RPS29: variants seen among roughly 807,000 people sequenced by gnomAD.
The protein encoded by RPS29 is small ribosomal subunit protein uS14.
For synonymous variants in RPS29, 37 were observed against 26.9 expected, an observed-to-expected ratio of 1.37 and a Z score of -1.16; for missense variants, 60 against 75.7, an observed-to-expected ratio of 0.79 and a Z score of 0.77.
At chr14:49,580,303 C>G (rs1881299106), downstream of RPS29, among the ~76,000 whole-genome samples, 1 of 152,188 alleles carries the variant, frequency 6.6e-6, no homozygotes, top group Non-Finnish European at 1.5e-5. Context: ...TCCACTCTAT[C>G]TGCAATACCA....
downstream of RPS29, among the ~76,000 whole-genome samples, chr14:49,580,852 T>C (rs2139506376): frequency 6.9e-6 from 1 of 145,112 alleles, no homozygotes; most frequent in Non-Finnish European, 1.5e-5. Flanking sequence ...GCCACTGCAC[T>C]CCAGCCTGGG....
chr14:49,574,495 A>T (rs528225454), exon 3 of RPS29: 1 of 152,284 alleles, frequency 6.6e-6, no homozygotes, highest in East Asian at 1.9e-4. Flanking sequence ...ATCCTGCATT[A>T]CTGGTGGCAG....
exon 3 of RPS29, chr14:49,573,599 A>G (rs553886950): frequency 1.3e-5 from 2 of 152,234 alleles, no homozygotes; most frequent in Non-Finnish European, 2.9e-5. Context: ...GCCTAAGACA[A>G]AATTACACAA....
downstream of RPS29, among the ~76,000 whole-genome samples, chr14:49,579,933 T>C (rs1053766720): frequency 1.3e-5 from 2 of 152,204 alleles, no homozygotes; most frequent in Non-Finnish European, 1.5e-5. Flanking sequence ...CTCAGTTTCC[T>C]TGGCTATGTA....
upstream of RPS29, chr14:49,586,742 A>C (rs1881583789): frequency 4.1e-6 from 1 of 245,298 alleles, no homozygotes; most frequent in Non-Finnish European, 8.4e-6. Flanking sequence ...GGGGACCACC[A>C]GGTTGCCTAA....
chr14:49,578,558 A>ATTT (rs1881248697), intron 2 of RPS29, among the ~76,000 whole-genome samples: 2 of 43,026 alleles, frequency 4.6e-5, no homozygotes, highest in Admixed American at 4.7e-4. Flanking sequence ...CAAAGCTTTC[A>ATTT]CTTTTTTTTT....
intron 1 of RPS29, 96 bp downstream of exon 1, chr14:49,586,189 G>C: frequency 7.0e-7 from 1 of 1,420,276 alleles, no homozygotes; most frequent in Non-Finnish European, 1.0e-6. Context: ...CAGTCGGCGT[G>C]CTCCCTCGTG....
chr14:49,582,308 C>T (rs919472316), downstream of RPS29, among the ~76,000 whole-genome samples: 17 of 152,174 alleles, frequency 1.1e-4, no homozygotes, highest in African/African-American at 3.9e-4. Context: ...CAATATCTAA[C>T]TATAACCTAC....
intron 1 of RPS29, 74 bp from the exon 2 acceptor site, chr14:49,586,123 C>A: frequency 7.0e-7 from 1 of 1,435,984 alleles, no homozygotes; most frequent in Non-Finnish European, 9.8e-7. Context: ...CTACTACCCG[C>A]ATCCCGGGAC....
chr14:49,592,374 T>G (rs1238532348), intron 1 of RPS29: 2 of 150,166 alleles, frequency 1.3e-5, no homozygotes, highest in Admixed American at 6.7e-5. Flanking sequence ...TTTTTTTTTT[T>G]TTTTTTTTTT....
chr14:49,591,902 G>A lies in RPS29; in HGVS notation c.-132-5424C>T, dbSNP rs190443059. On this transcript the variant is annotated intron_variant, in intron 1 of 3. Transcript: ENST00000556230. ...CCCAAAGTGCTGGGATTGCAGGCAT[G>A]AGCCACCACGCCCGGCCCCAATTTG... Among the ~76,000 whole-genome samples the A allele has an allele frequency of 3.6e-3, 555 of 152,172 alleles. 7 individuals carry two copies. Among genetic ancestry groups the A allele is most frequent in the South Asian group, 6.4e-3 (31 of 4,822 alleles).
At chr14:49,576,928 T>G (rs1881197916) in exon 3 of RPS29, 1 of 152,318 alleles carries the variant, frequency 6.6e-6, no homozygotes, top group African/African-American at 2.4e-5. Context: ...CCTATTTTTC[T>G]TCCCAGTCTT....
chr14:49,595,335 G>A (rs1343567124), intron 1 of RPS29, among the ~76,000 whole-genome samples: 1 of 151,876 alleles, frequency 6.6e-6, no homozygotes, highest in Non-Finnish European at 1.5e-5. Context: ...CCTGTAATCC[G>A]AGCACTTTGG....
chr14:49,598,458 G>A, exon 1 of RPS29: 1 of 702,270 alleles, frequency 1.4e-6, no homozygotes, highest in South Asian at 1.5e-5. Context: ...GCCATATAAA[G>A]CCCCCCTTCG....
downstream of RPS29, among the ~76,000 whole-genome samples, chr14:49,582,099 T>C (rs558747320): frequency 1.4e-4 from 21 of 151,776 alleles, no homozygotes; most frequent in South Asian, 2.7e-3. Flanking sequence ...GCCTAGACTA[T>C]TGCAATAGCT....
chr14:49,588,577 G>A (rs1451284289), upstream of RPS29, among the ~76,000 whole-genome samples: 1 of 151,718 alleles, frequency 6.6e-6, no homozygotes, highest in African/African-American at 2.4e-5. Flanking sequence ...GCCCAGGCTG[G>A]AGTGCAATGG....
exon 3 of RPS29, chr14:49,574,082 T>C (rs567948422): frequency 1.3e-5 from 2 of 152,356 alleles, no homozygotes; most frequent in African/African-American, 2.4e-5. Flanking sequence ...AAAACCTCCT[T>C]TGGCATTAAA....
chr14:49,580,908 G>C (rs1488053383), downstream of RPS29, among the ~76,000 whole-genome samples: 1 of 148,918 alleles, frequency 6.7e-6, no homozygotes, highest in East Asian at 2.0e-4. Flanking sequence ...AAAAAATGCT[G>C]GGTGCGGTGG....
chr14:49,579,032 T>C (rs1001385439), downstream of RPS29, among the ~76,000 whole-genome samples: 1 of 152,198 alleles, frequency 6.6e-6, no homozygotes, highest in Non-Finnish European at 1.5e-5. Context: ...ATTGTTGTAT[T>C]AAAGGAGATT....
Sources: allele counts gnomAD v4.1 joint callset (sites outside exome capture counted in the v4.1 genomes callset), GRCh38; gene constraint gnomAD v4.1.1; transcripts MANE v1.5; gene names NCBI Gene and HGNC (gene_info 2026-07-23, HGNC 2026-07-21).